The following ECHDC1 variants were observed in gnomAD, a reference collection of about 807,000 sequenced individuals.
The protein encoded by ECHDC1 is ethylmalonyl-CoA decarboxylase 1.
Under a neutral mutation model 29.7 loss-of-function variants are expected in ECHDC1, and 29 were observed. The ratio of observed to expected loss-of-function variants is 0.98; its 90% CI spans 0.73 to 1.33. The LOEUF is 1.33. Ranked by LOEUF, ECHDC1 falls within the 40% of genes most tolerant of loss-of-function variation. The pLI, the probability that ECHDC1 is intolerant of heterozygous loss-of-function variation, is 0.00. For missense variants in ECHDC1, 328 were observed against 350.0 expected, an observed-to-expected ratio of 0.94 and a Z score of 0.50; for synonymous variants, 126 against 123.1, an observed-to-expected ratio of 1.02 and a Z score of -0.15.
At chr6:127,291,673 C>T (rs1780205089) in intron 5 of ECHDC1, among the ~76,000 whole-genome samples, 1 of 152,094 alleles carries the variant, frequency 6.6e-6, no homozygotes, top group Admixed American at 6.6e-5. Flanking sequence ...AAAAGAAGAC[C>T]TTAAGTTGGG....
chr6:127,329,125 C>A (rs1003100692), intron 2 of ECHDC1, among the ~76,000 whole-genome samples: 1 of 151,622 alleles, frequency 6.6e-6, no homozygotes, highest in African/African-American at 2.4e-5. Context: ...TTTTTTTAAA[C>A]CTTTCCTATG....
chr6:127,294,240 G>A (rs1195039977), intron 5 of ECHDC1, among the ~76,000 whole-genome samples: 1 of 152,100 alleles, frequency 6.6e-6, no homozygotes, highest in Non-Finnish European at 1.5e-5. Flanking sequence ...GCCAGAAACG[G>A]CTAGTCCTTT....
chr6:127,330,791 TA>T lies in ECHDC1; in HGVS notation c.220+17del. On this transcript the variant is annotated intron_variant, in intron 2 of 5. Transcript: ENST00000454859. ...TAGATTTAGTGTCATTCTTTAGGAA[TA>T]AAAAGATCCCTAATACCTGAAAAGG... The T allele has an allele frequency of 6.3e-7, 1 of 1,599,632 alleles. No homozygotes were observed.
chr6:127,336,013 A>C (rs1006113654), intron 1 of ECHDC1, among the ~76,000 whole-genome samples: 1 of 152,076 alleles, frequency 6.6e-6, no homozygotes, highest in African/African-American at 2.4e-5. Flanking sequence ...GCTAGAGGGA[A>C]CAATGATCAA....
At chr6:127,330,460 T>G (rs1783819462) in intron 2 of ECHDC1, among the ~76,000 whole-genome samples, 1 of 152,238 alleles carries the variant, frequency 6.6e-6, no homozygotes, top group Non-Finnish European at 1.5e-5. Flanking sequence ...AGGAACTCTT[T>G]GAAACCTCTT....
At chr6:127,338,918 C>T (rs1417285127) in intron 1 of ECHDC1, among the ~76,000 whole-genome samples, 1 of 152,128 alleles carries the variant, frequency 6.6e-6, no homozygotes, top group African/African-American at 2.4e-5. Flanking sequence ...CTAGATAATG[C>T]ATCCACAGTT....
chr6:127,332,241 A>C (rs183434297), intron 1 of ECHDC1, among the ~76,000 whole-genome samples: 1 of 152,298 alleles, frequency 6.6e-6, no homozygotes, highest in Admixed American at 6.5e-5. Context: ...AATACTATAT[A>C]TTGTGTGTCT....
intron 5 of ECHDC1, among the ~76,000 whole-genome samples, chr6:127,291,869 G>C (rs948623756): frequency 6.6e-6 from 1 of 151,982 alleles, no homozygotes; most frequent in African/African-American, 2.4e-5. Flanking sequence ...ATGAACAATT[G>C]CTTCTAGAGG....
At chr6:127,335,841 T>G (rs1784382392) in intron 1 of ECHDC1, among the ~76,000 whole-genome samples, 1 of 152,116 alleles carries the variant, frequency 6.6e-6, no homozygotes, top group Non-Finnish European at 1.5e-5. Flanking sequence ...CTTCATCTAT[T>G]GGCAATTCCA....
chr6:127,289,949 C>G lies in ECHDC1; in HGVS notation c.826G>C (p.Glu276Gln), dbSNP rs776479974. The G allele has an allele frequency of 6.2e-7, 1 of 1,613,638 alleles. No individual in the cohort carries two copies. Reference protein sequence around the residue: ...ELYLEEALQNERDLLGTVWGG... With the variant: ...ELYLEEALQNQRDLLGTVWGG... Reference sequence around the variant, plus strand: ...CAAACTGTTCCTAAAAGATCTCTTTCGTTCTGTAATGCTTCCTCCAAATAT... The same window carrying G: ...CAAACTGTTCCTAAAAGATCTCTTTGGTTCTGTAATGCTTCCTCCAAATAT... Residue 276 changes from glutamate to glutamine, a missense_variant, in exon 6 of 6, where the codon GAA (glutamate) becomes CAA (glutamine). Coordinates refer to ENST00000454859, the MANE Select transcript of ECHDC1 (RefSeq NM_001002030.2).
intron 3 of ECHDC1, among the ~76,000 whole-genome samples, chr6:127,322,731 G>A (rs563161006): frequency 6.6e-6 from 1 of 151,570 alleles, no homozygotes; most frequent in South Asian, 2.1e-4. Flanking sequence ...AAGAATCGTG[G>A]TCACATGATC....
rs1263832459 is a variant in ECHDC1 at position 127,289,945 on chromosome 6, CTT to C, written c.828_829del (p.Asp278SerfsTer17). On this transcript the variant is annotated frameshift_variant, in exon 6 of 6. Transcript: ENST00000454859. LOFTEE classifies it high-confidence loss of function. Reference sequence around the variant, plus strand: ...ACCCCAAACTGTTCCTAAAAGATCTCTTTCGTTCTGTAATGCTTCCTCCAAAT... The same window carrying C: ...ACCCCAAACTGTTCCTAAAAGATCTCTCGTTCTGTAATGCTTCCTCCAAAT... 6.2e-7 allele frequency: 1 copy of C among 1,613,660 alleles called. No individual in the cohort carries two copies. The highest frequency in any genetic ancestry group is 8.5e-7 in the Non-Finnish European group (1 of 1,179,718).
intron 1 of ECHDC1, chr6:127,342,208 G>GT: frequency 1.3e-6 from 1 of 779,214 alleles, no homozygotes; most frequent in Non-Finnish European, 1.9e-6. Context: ...GCTGTAATTA[G>GT]TTTTTTAACC....
At chr6:127,342,169 T>A (rs932778940) in intron 1 of ECHDC1, among the ~76,000 whole-genome samples, 2 of 152,362 alleles carry the variant, frequency 1.3e-5, no homozygotes, top group East Asian at 1.9e-4. Context: ...AACATCTGTA[T>A]CTCTCATCAC....
At chr6:127,292,504 T>G (rs1338191644) in intron 5 of ECHDC1, among the ~76,000 whole-genome samples, 2 of 152,018 alleles carry the variant, frequency 1.3e-5, no homozygotes, top group African/African-American at 4.8e-5. Flanking sequence ...GGTGTGCTTA[T>G]GTACTGATAT....
intron 2 of ECHDC1, among the ~76,000 whole-genome samples, chr6:127,328,349 T>C (rs1330333065): frequency 2.6e-5 from 4 of 152,186 alleles, no homozygotes; most frequent in Non-Finnish European, 4.4e-5. Context: ...CAATGAATTA[T>C]TCACATGTTT....
At chr6:127,314,586 C>T (rs1361199469) in intron 5 of ECHDC1, among the ~76,000 whole-genome samples, 1 of 151,972 alleles carries the variant, frequency 6.6e-6, no homozygotes, top group Non-Finnish European at 1.5e-5. Flanking sequence ...TATTCAAAAT[C>T]TCAAAACCAT....
chr6:127,308,917 T>C (rs1322060687), intron 5 of ECHDC1, among the ~76,000 whole-genome samples: 2 of 152,128 alleles, frequency 1.3e-5, no homozygotes, highest in South Asian at 2.1e-4. Flanking sequence ...AACATGTCTA[T>C]AATGAAAACT....
At chr6:127,303,036 T>A (rs1781171480) in intron 5 of ECHDC1, among the ~76,000 whole-genome samples, 1 of 152,092 alleles carries the variant, frequency 6.6e-6, no homozygotes, top group Non-Finnish European at 1.5e-5. Flanking sequence ...CTGTAAACGG[T>A]CTTATATACC....
Sources: gnomAD v4.1 joint callset for allele counts (sites outside exome capture counted in the v4.1 genomes callset) on GRCh38, gnomAD v4.1.1 for gene constraint, MANE v1.5 for transcripts, NCBI Gene and HGNC (gene_info 2026-07-23, HGNC 2026-07-21) for gene names.